YAF2: variants seen among roughly 807,000 people sequenced by gnomAD.
YAF2 encodes YY1-associated factor 2.
Under a neutral mutation model 20.1 loss-of-function variants are expected in YAF2, and 7 were observed. The ratio of observed to expected loss-of-function variants is 0.35; its 90% CI spans 0.20 to 0.65. The LOEUF (loss-of-function observed/expected upper bound fraction) is 0.65. YAF2 is among the 30% of genes least tolerant of loss of function. The probability of loss-of-function intolerance (pLI) is 0.69; values close to 1 mark genes in which losing one functional copy is unlikely to be tolerated. For synonymous variants in YAF2, 74 were observed against 76.0 expected (o/e 0.97, Z 0.14); for missense variants, 151 against 219.2 (o/e 0.69, Z 1.96).
In YAF2 at chr12:42,238,236, TA is replaced by T; in HGVS notation, c.-57del. On this transcript the variant is annotated 5_prime_UTR_variant, in exon 1 of 4. Coordinates refer to ENST00000534854, the MANE Select transcript of YAF2 (RefSeq NM_005748.6). ...CCGCCGCGACCGCTCTGTTTGTCAA[TA>T]AGGAGGATAATAAGCCGGGCGGAAG... 1 of 1,293,600 alleles carries T rather than the reference TA, an allele frequency of 7.7e-7. No homozygotes were observed. Among genetic ancestry groups the T allele is most frequent in the Non-Finnish European group, 1.0e-6 (1 of 1,002,042 alleles). The allele number at this position is 1,293,600 out of a possible 1,614,324, so 80.1% of individuals were successfully genotyped here. A position where few individuals can be genotyped will look rare whatever the true frequency, so the allele number is the denominator to read the frequency against.
At chr12:42,237,936 G>A (rs1226371912) in intron 1 of YAF2, 3 of 431,718 alleles carry the variant, frequency 6.9e-6, no homozygotes, top group African/African-American at 2.2e-5. Flanking sequence ...CGCCACAGCC[G>A]CTCTGACACC....
intron 2 of YAF2, among the ~76,000 whole-genome samples, chr12:42,190,461 A>G (rs1212813217): frequency 6.6e-6 from 1 of 152,216 alleles, no homozygotes; most frequent in Non-Finnish European, 1.5e-5. Context: ...AGCTAGCCTT[A>G]CTTTTAAAGG....
chr12:42,200,399 T>C (rs1373940698), intron 2 of YAF2, among the ~76,000 whole-genome samples: 1 of 152,208 alleles, frequency 6.6e-6, no homozygotes, highest in Non-Finnish European at 1.5e-5. Context: ...TTCACCTTCT[T>C]ATCCCTAGCA....
intron 2 of YAF2, among the ~76,000 whole-genome samples, chr12:42,229,430 A>AAC (rs1273582384): frequency 2.0e-5 from 3 of 151,442 alleles, no homozygotes; most frequent in African/African-American, 4.9e-5. Context: ...TTAAAAAAAA[A>AAC]AAAAAACATT....
intron 2 of YAF2, among the ~76,000 whole-genome samples, chr12:42,169,260 A>G (rs1429691390): frequency 6.6e-6 from 1 of 152,122 alleles, no homozygotes. Context: ...CATAGCTACA[A>G]AGGTTCTACT....
intron 2 of YAF2, among the ~76,000 whole-genome samples, chr12:42,236,381 A>G (rs2068156851): frequency 6.6e-6 from 1 of 152,198 alleles, no homozygotes; most frequent in Non-Finnish European, 1.5e-5. Context: ...CATACGTTTG[A>G]AAGTTTGCTT....
chr12:42,237,068 T>C (rs1416989172), intron 2 of YAF2, among the ~76,000 whole-genome samples: 2 of 152,226 alleles, frequency 1.3e-5, no homozygotes, highest in Non-Finnish European at 2.9e-5. Context: ...CAACTACTTA[T>C]TTATAAAATA....
intron 2 of YAF2, among the ~76,000 whole-genome samples, chr12:42,224,809 C>T (rs2067638838): frequency 6.6e-6 from 1 of 152,118 alleles, no homozygotes; most frequent in Non-Finnish European, 1.5e-5. Flanking sequence ...CAAGTCTTTG[C>T]TTTTGTGAAT....
chr12:42,224,169 T>C (rs2067611442), intron 2 of YAF2, among the ~76,000 whole-genome samples: 1 of 152,202 alleles, frequency 6.6e-6, no homozygotes, highest in African/African-American at 2.4e-5. Flanking sequence ...CTAGCAAATA[T>C]TACCTATCTT....
Position 42,199,092 on chromosome 12 carries a change from T to A in YAF2, c.153-37327A>T, listed in dbSNP as rs1592229712. ...TAGTATTAATTTCCTCTTGGGTACATCTTCAACAAGATGATTTTAAGGTGA... is the reference window on the plus strand; with the variant it reads ...TAGTATTAATTTCCTCTTGGGTACAACTTCAACAAGATGATTTTAAGGTGA... On this transcript the variant is annotated intron_variant, in intron 2 of 3. Coordinates refer to ENST00000534854, the MANE Select transcript of YAF2 (RefSeq NM_005748.6). 7 of 1,116,930 alleles carry A rather than the reference T, an allele frequency of 6.3e-6. No individual in the cohort carries two copies. The East Asian group carries it at 3.0e-4, about 49-fold the overall frequency. The allele number at this position is 1,116,930 out of a possible 1,614,324, so 69.2% of individuals were successfully genotyped here. A position where few individuals can be genotyped will look rare whatever the true frequency, so the allele number is the denominator to read the frequency against.
At chr12:42,196,001 C>T (rs1037344422) in intron 2 of YAF2, among the ~76,000 whole-genome samples, 1 of 151,896 alleles carries the variant, frequency 6.6e-6, no homozygotes, top group South Asian at 2.1e-4. Context: ...GTGGGTGGAT[C>T]ACCTGAGGTC....
intron 2 of YAF2, among the ~76,000 whole-genome samples, chr12:42,162,755 C>A (rs2136952115): frequency 6.6e-6 from 1 of 152,112 alleles, no homozygotes; most frequent in East Asian, 1.9e-4. Flanking sequence ...AGAATTAAAG[C>A]TGCATGGCTG....
rs1272100832 is a variant in YAF2, at chr12:42,211,827, T to C, written c.152+25772A>G. 3.3e-5 allele frequency among the ~76,000 whole-genome samples: 5 copies of C among 151,166 alleles called. No individual in the cohort carries two copies. The South Asian group carries it at 1.0e-3, about 32-fold the overall frequency. ...ACTTTGGGAGGCCGAGGTGGGCGGATTAGCTGAGGTTAGGAATTCTAGACC... is the reference window on the plus strand; with the variant it reads ...ACTTTGGGAGGCCGAGGTGGGCGGACTAGCTGAGGTTAGGAATTCTAGACC... On this transcript the variant is annotated intron_variant, in intron 2 of 3. Coordinates refer to ENST00000534854, the MANE Select transcript of YAF2 (RefSeq NM_005748.6).
chr12:42,182,397 T>C (rs538343171), intron 2 of YAF2, among the ~76,000 whole-genome samples: 2 of 152,372 alleles, frequency 1.3e-5, no homozygotes, highest in South Asian at 4.1e-4. Flanking sequence ...ATCAGCTTGT[T>C]ATGTAATTAC....
intron 2 of YAF2, among the ~76,000 whole-genome samples, chr12:42,227,359 T>A (rs2137362363): frequency 1.5e-5 from 1 of 65,036 alleles, no homozygotes; most frequent in South Asian, 6.8e-4. Context: ...GTGAGGAGCG[T>A]CTCCGCCCGG....
chr12:42,211,675 G>A (rs1183856252), intron 2 of YAF2, among the ~76,000 whole-genome samples: 1 of 150,188 alleles, frequency 6.7e-6, no homozygotes, highest in African/African-American at 2.5e-5. Context: ...AACTCGGGAG[G>A]TGGAGGTCGC....
intron 2 of YAF2, among the ~76,000 whole-genome samples, chr12:42,218,185 A>AAACACACACACACAC (rs1555162626): frequency 1.4e-5 from 2 of 140,608 alleles, no homozygotes. Context: ...GCTACTAGGA[A>AAACACACACACACAC]ACACACACAC....
intron 2 of YAF2, among the ~76,000 whole-genome samples, chr12:42,223,315 GTTTC>G (rs2067578753): frequency 6.7e-6 from 1 of 148,396 alleles, no homozygotes; most frequent in Non-Finnish European, 1.5e-5. Flanking sequence ...AAAAACAGCA[GTTTC>G]TTTAAAATAC....
In YAF2 at chr12:42,187,615, C is replaced by T. The variant is rs76213486; in HGVS notation, c.153-25850G>A. 2.6e-3 allele frequency among the ~76,000 whole-genome samples: 391 copies of T among 152,246 alleles called. 1 individual carries two copies. Among genetic ancestry groups the T allele is most frequent in the African/African-American group, 9.0e-3 (374 of 41,546 alleles). ...CCTGAATTCAAATCCTACTCTGATA[C>T]TTACGTAAAAATCCTCATTTCTCTT... On this transcript the variant is annotated intron_variant, in intron 2 of 3. Coordinates refer to ENST00000534854, the MANE Select transcript of YAF2 (RefSeq NM_005748.6).
Sources: gnomAD v4.1 joint callset for allele counts (sites outside exome capture counted in the v4.1 genomes callset) on GRCh38, gnomAD v4.1.1 for gene constraint, MANE v1.5 for transcripts, NCBI Gene and HGNC (gene_info 2026-07-23, HGNC 2026-07-21) for gene names.